Variants in SCHIP1 observed in about 807,000 individuals in gnomAD.
SCHIP1 encodes the protein schwannomin interacting protein 1.
SCHIP1 carries 8 observed loss-of-function variants against 29.7 expected under a neutral mutation model. That is an observed-to-expected ratio of 0.27 (90% confidence interval 0.16 to 0.49). The LOEUF is 0.49. Among genes scored for constraint, SCHIP1 ranks in the 20% least tolerant of loss-of-function variants. The pLI, the probability that SCHIP1 is intolerant of heterozygous loss-of-function variation, is 0.99. For missense variants in SCHIP1, 193 were observed against 294.6 expected (o/e 0.66, Z 2.52); for synonymous variants, 76 against 94.9 (o/e 0.80, Z 1.16).
the SCHIP1 span, among the ~76,000 whole-genome samples, chr3:159,564,316 A>G: frequency 6.6e-6 from 1 of 152,118 alleles, no homozygotes; most frequent in Non-Finnish European, 1.5e-5. Context: ...GCAACGCAGC[A>G]GCTCTCCCCA....
At chr3:159,400,746 G>A in the SCHIP1 span, among the ~76,000 whole-genome samples, 2 of 152,120 alleles carry the variant, frequency 1.3e-5, no homozygotes, top group Non-Finnish European at 2.9e-5. Context: ...ATGGATTGTG[G>A]CTTTATTCTC....
the SCHIP1 span, among the ~76,000 whole-genome samples, chr3:159,590,742 G>C: frequency 6.6e-6 from 1 of 152,222 alleles, no homozygotes; most frequent in African/African-American, 2.4e-5. Context: ...TGATGACTTT[G>C]ATTACTCTTT....
intron 2 of SCHIP1, among the ~76,000 whole-genome samples, chr3:159,871,264 G>A (rs1189861941): frequency 6.9e-6 from 1 of 143,944 alleles, no homozygotes; most frequent in Non-Finnish European, 1.5e-5. Context: ...TGCTTAGAGA[G>A]CCCTTCCCTG....
the SCHIP1 span, among the ~76,000 whole-genome samples, chr3:159,776,823 C>G: frequency 1.7e-4 from 26 of 152,072 alleles, no homozygotes; most frequent in Non-Finnish European, 2.9e-4. Context: ...TTTTAGTAAA[C>G]AATCACACTG....
chr3:159,818,027 A>AT, the SCHIP1 span, among the ~76,000 whole-genome samples: 2 of 152,232 alleles, frequency 1.3e-5, no homozygotes, highest in Non-Finnish European at 2.9e-5. Context: ...TGAAGCCTAG[A>AT]GGTAGACCCT....
the SCHIP1 span, among the ~76,000 whole-genome samples, chr3:159,756,037 G>T: frequency 6.6e-6 from 1 of 152,216 alleles, no homozygotes; most frequent in African/African-American, 2.4e-5. Flanking sequence ...GCTTTTCCAG[G>T]TGCACAGTGC....
At chr3:159,810,622 C>T in the SCHIP1 span, among the ~76,000 whole-genome samples, 1 of 152,164 alleles carries the variant, frequency 6.6e-6, no homozygotes, top group Admixed American at 6.5e-5. Flanking sequence ...GATAGTCTTC[C>T]ATGCTGTAGC....
the SCHIP1 span, among the ~76,000 whole-genome samples, chr3:159,779,889 T>C: frequency 1.3e-5 from 2 of 152,330 alleles, no homozygotes; most frequent in East Asian, 3.9e-4. Flanking sequence ...TTAGATATTC[T>C]CTTGAAGTTC....
the SCHIP1 span, among the ~76,000 whole-genome samples, chr3:159,767,263 T>C: frequency 6.6e-6 from 1 of 152,194 alleles, no homozygotes; most frequent in Non-Finnish European, 1.5e-5. Flanking sequence ...TAAAATAGAA[T>C]GTATGATAGT....
At chr3:159,750,288 TATATATATACACACAC>T in the SCHIP1 span, among the ~76,000 whole-genome samples, 1 of 120,078 alleles carries the variant, frequency 8.3e-6, no homozygotes, top group Admixed American at 8.6e-5. Flanking sequence ...TATATATATA[TATATATATACACACAC>T]ACACACACAC....
At chr3:159,812,087 C>T in the SCHIP1 span, among the ~76,000 whole-genome samples, 1 of 151,522 alleles carries the variant, frequency 6.6e-6, no homozygotes, top group African/African-American at 2.4e-5. Flanking sequence ...TCTCGTGCCT[C>T]AGCCTCCTGA....
At chr3:159,336,433 G>A in the SCHIP1 span, among the ~76,000 whole-genome samples, 2 of 152,188 alleles carry the variant, frequency 1.3e-5, no homozygotes, top group Non-Finnish European at 2.9e-5. Context: ...CCTATGTCCT[G>A]AATGGTATTG....
the SCHIP1 span, among the ~76,000 whole-genome samples, chr3:159,514,870 C>T: frequency 6.6e-6 from 1 of 152,102 alleles, no homozygotes; most frequent in African/African-American, 2.4e-5. Context: ...CCCACTCTTA[C>T]CCCAAAACTG....
the SCHIP1 span, among the ~76,000 whole-genome samples, chr3:159,598,140 C>T: frequency 6.6e-6 from 1 of 152,158 alleles, no homozygotes; most frequent in Non-Finnish European, 1.5e-5. Context: ...ATTTGGATTA[C>T]AATTTAAGAT....
chr3:159,490,116 A>G, the SCHIP1 span, among the ~76,000 whole-genome samples: 3 of 152,174 alleles, frequency 2.0e-5, no homozygotes, highest in Admixed American at 6.5e-5. Context: ...TTATACAAAT[A>G]TTTTACAAAT....
chr3:159,320,862 A>T, the SCHIP1 span, among the ~76,000 whole-genome samples: 1 of 152,176 alleles, frequency 6.6e-6, no homozygotes, highest in Non-Finnish European at 1.5e-5. Context: ...CTAAAAAAAA[A>T]AAAAAGGTGG....
At chr3:159,340,515 G>C in the SCHIP1 span, among the ~76,000 whole-genome samples, 1 of 151,926 alleles carries the variant, frequency 6.6e-6, no homozygotes, top group Non-Finnish European at 1.5e-5. Flanking sequence ...ATTTTATGTA[G>C]AGAAATAAAA....
the SCHIP1 span, among the ~76,000 whole-genome samples, chr3:159,760,598 T>C: frequency 1.3e-5 from 2 of 152,344 alleles, no homozygotes; most frequent in East Asian, 1.9e-4. Context: ...ATATTATCGT[T>C]AATAATTCCA....
the SCHIP1 span, among the ~76,000 whole-genome samples, chr3:159,579,687 G>A: frequency 1.5e-3 from 233 of 152,208 alleles, 1 homozygote; most frequent in Middle Eastern, 0.017. Context: ...TGGAAAAAGC[G>A]GACTTTGACC....
Sources: allele counts gnomAD v4.1 joint callset (sites outside exome capture counted in the v4.1 genomes callset), GRCh38; gene constraint gnomAD v4.1.1; transcripts MANE v1.5; gene names NCBI Gene and HGNC (gene_info 2026-07-23, HGNC 2026-07-21).